Variants in PDZRN4 observed in about 807,000 individuals in gnomAD.
The protein encoded by PDZRN4 is PDZ domain-containing RING finger protein 4.
A neutral mutation model predicts 99.0 loss-of-function variants in PDZRN4; 70 were observed. The ratio of observed to expected loss-of-function variants is 0.71; its 90% CI spans 0.58 to 0.86. PDZRN4 has a LOEUF of 0.86. Among genes scored for constraint, PDZRN4 ranks in the 40% least tolerant of loss-of-function variants. The pLI is 0.00. For missense variants in PDZRN4, 1,474 were observed against 1,331.2 expected, an observed-to-expected ratio of 1.11 and a Z score of -1.67; for synonymous variants, 551 against 501.6, an observed-to-expected ratio of 1.10 and a Z score of -1.32.
At chr12:41,339,731 T>C (rs575036546) in intron 3 of PDZRN4, among the ~76,000 whole-genome samples, 1 of 151,856 alleles carries the variant, frequency 6.6e-6, no homozygotes, top group East Asian at 1.9e-4. Flanking sequence ...AATAGAAAAA[T>C]ATCTAATAAT....
intron 3 of PDZRN4, among the ~76,000 whole-genome samples, chr12:41,255,669 G>T (rs1275910096): frequency 6.6e-6 from 1 of 152,106 alleles, no homozygotes; most frequent in Non-Finnish European, 1.5e-5. Flanking sequence ...GGTTAATTTA[G>T]AAAGAAAAGA....
rs1951847856 is a variant in PDZRN4 at position 41,345,654 on chromosome 12, A to G, written c.843+151466A>G. ...TTAATCTACTTCTTTTGGGATAGAG[A>G]GAGATGAGTTGCAAAATAATTTGAT... is the stretch of plus-strand genomic sequence containing the variant. On this transcript the variant is annotated intron_variant, in intron 3 of 9. Coordinates refer to ENST00000402685, the MANE Select transcript of PDZRN4 (RefSeq NM_001164595.2). 1.3e-5 allele frequency among the ~76,000 whole-genome samples: 2 copies of G among 152,112 alleles called. 1 individual carries two copies. The highest frequency in any genetic ancestry group is 4.1e-4 in the South Asian group (2 of 4,824).
At chr12:41,193,199 T>C (rs1213586396) in intron 2 of PDZRN4, among the ~76,000 whole-genome samples, 1 of 152,240 alleles carries the variant, frequency 6.6e-6, no homozygotes, top group Non-Finnish European at 1.5e-5. Context: ...CGTTATCATT[T>C]TCCCTAAGGA....
intron 3 of PDZRN4, among the ~76,000 whole-genome samples, chr12:41,414,490 C>T (rs1216914565): frequency 6.6e-6 from 1 of 151,596 alleles, no homozygotes; most frequent in Non-Finnish European, 1.5e-5. Flanking sequence ...TACATAATCT[C>T]GTATTTCTCA....
At chr12:41,239,790 G>C (rs572665397) in intron 3 of PDZRN4, among the ~76,000 whole-genome samples, 2 of 152,166 alleles carry the variant, frequency 1.3e-5, no homozygotes, top group Non-Finnish European at 2.9e-5. Flanking sequence ...GATGCTACAG[G>C]AGTAAACAGA....
intron 3 of PDZRN4, among the ~76,000 whole-genome samples, chr12:41,442,578 T>G (rs1952688360): frequency 6.6e-6 from 1 of 152,122 alleles, no homozygotes; most frequent in African/African-American, 2.4e-5. Flanking sequence ...AACTACCCCA[T>G]CCACAGCTGC....
chr12:41,390,697 G>A (rs1043925194), intron 3 of PDZRN4, among the ~76,000 whole-genome samples: 1 of 151,890 alleles, frequency 6.6e-6, no homozygotes, highest in East Asian at 1.9e-4. Context: ...TTAAATTCCA[G>A]TGTGTTGTTG....
At chr12:41,460,064 A>G in intron 3 of PDZRN4, 2 of 1,284,870 alleles carry the variant, frequency 1.6e-6, no homozygotes, top group South Asian at 2.5e-5. Flanking sequence ...CTCCTTGTGA[A>G]TGAGTGGTAA....
At chr12:41,344,843 G>T (rs10880045) in intron 3 of PDZRN4, among the ~76,000 whole-genome samples, 57,699 of 149,964 alleles carry the variant, frequency 0.38, 11,143 homozygotes, top group African/African-American at 0.41. Context: ...AAATTAGTTA[G>T]CATAAAGTGC....
At chr12:41,449,862 T>A (rs1329836971) in intron 3 of PDZRN4, among the ~76,000 whole-genome samples, 1 of 152,090 alleles carries the variant, frequency 6.6e-6, no homozygotes, top group African/African-American at 2.4e-5. Flanking sequence ...TTTACGTGGT[T>A]TTTGTCCATC....
intron 3 of PDZRN4, among the ~76,000 whole-genome samples, chr12:41,262,160 G>C (rs961589016): frequency 1.3e-5 from 2 of 152,114 alleles, no homozygotes; most frequent in African/African-American, 4.8e-5. Context: ...TCTCCAAAAC[G>C]AGGACTTCTG....
At chr12:41,216,526 A>G (rs113281000) in intron 3 of PDZRN4, among the ~76,000 whole-genome samples, 2,588 of 152,170 alleles carry the variant, frequency 0.017, 48 homozygotes, top group African/African-American at 0.046. Flanking sequence ...ACTTAAAACC[A>G]GGAAAAACTT....
At chr12:41,355,506 C>G (rs542775165) in intron 3 of PDZRN4, among the ~76,000 whole-genome samples, 4 of 152,206 alleles carry the variant, frequency 2.6e-5, no homozygotes, top group African/African-American at 9.6e-5. Flanking sequence ...GCTCAAGCAG[C>G]TGTTAAGTTA....
chr12:41,444,095 G>A (rs1451067948), intron 3 of PDZRN4, among the ~76,000 whole-genome samples: 8 of 152,232 alleles, frequency 5.3e-5, no homozygotes, highest in African/African-American at 1.7e-4. Context: ...AGTGGCCAGT[G>A]TGGTCAATTG....
In PDZRN4 at chr12:41,188,551, G is replaced by A. The variant is rs551806119; in HGVS notation, c.96G>A (p.Pro32=). ...TGCTTGAAGAGCCCCTGTGCACGCC[G>A]TGCGGGCACGTCTTCTGCGCCAGCT... is the stretch of plus-strand genomic sequence containing the variant. ...GQVLEEPLCT[P]CGHVFCASCL... is the part of the protein sequence containing the mutation. The change falls in exon 1 of 10, where the codon CCG becomes CCA. Residue 32 remains proline (P), a synonymous_variant. Coordinates refer to ENST00000402685, the MANE Select transcript of PDZRN4 (RefSeq NM_001164595.2). The A allele has an allele frequency of 1.3e-6, 2 of 1,560,370 alleles. No homozygotes were observed. The highest frequency in any genetic ancestry group is 1.7e-6 in the Non-Finnish European group (2 of 1,160,756).
At position 41,460,464 on chromosome 12, in the gene PDZRN4, A is replaced by T. The variant is rs1338418817; in HGVS notation, c.844-45992A>T. 2.6e-4 allele frequency among the ~76,000 whole-genome samples: 39 copies of T among 152,202 alleles called. 1 individual carries two copies. Among genetic ancestry groups the T allele is most frequent in the Admixed American group, 2.5e-3 (38 of 15,280 alleles). On this transcript the variant is annotated intron_variant, in intron 3 of 9. Coordinates refer to ENST00000402685, the MANE Select transcript of PDZRN4 (RefSeq NM_001164595.2). Reference sequence around the variant, plus strand: ...GTCTGGAAAGAAATATTGTTTCCAGATGAATTCACTTGGATTTTATTATGA... The same window carrying T: ...GTCTGGAAAGAAATATTGTTTCCAGTTGAATTCACTTGGATTTTATTATGA...
At chr12:41,397,345 T>C (rs1387759492) in intron 3 of PDZRN4, among the ~76,000 whole-genome samples, 6 of 152,172 alleles carry the variant, frequency 3.9e-5, no homozygotes, top group African/African-American at 1.4e-4. Flanking sequence ...AATCCAAAAA[T>C]AGGCACAACA....
intron 3 of PDZRN4, among the ~76,000 whole-genome samples, chr12:41,346,981 C>T (rs954217765): frequency 6.6e-6 from 1 of 152,026 alleles, no homozygotes; most frequent in African/African-American, 2.4e-5. Context: ...ATATTTGGTA[C>T]TTCATTGGTT....
In PDZRN4 at chr12:41,188,436, C is replaced by T. The variant is rs951946295; in HGVS notation, c.-20C>T. The T allele has an allele frequency of 1.3e-6, 2 of 1,557,102 alleles. No homozygotes were observed. Among genetic ancestry groups the T allele is most frequent in the East Asian group, 2.4e-5 (1 of 42,026 alleles). On this transcript the variant is annotated 5_prime_UTR_variant, in exon 1 of 10. Transcript: ENST00000402685. ...AAGACGGACTCTGCTTTCGCTCCCC[C>T]TTTCTTCCCCATCCCTAACATGGGC...
Sources: allele counts gnomAD v4.1 joint callset (sites outside exome capture counted in the v4.1 genomes callset), GRCh38; gene constraint gnomAD v4.1.1; transcripts MANE v1.5; gene names NCBI Gene and HGNC (gene_info 2026-07-23, HGNC 2026-07-21).